Variants in MARK3 observed in about 807,000 individuals in gnomAD.
MARK3 encodes microtubule affinity regulating kinase 3, also known as MAP/microtubule affinity-regulating kinase 3.
MARK3 carries 46 observed loss-of-function variants against 90.1 expected under a neutral mutation model. That is an observed-to-expected ratio of 0.51 (90% CI 0.40 to 0.65). The LOEUF (loss-of-function observed/expected upper bound fraction) is 0.65, where lower values mean the gene tolerates loss of function less well. Among genes scored for constraint, MARK3 ranks in the 30% least tolerant of loss-of-function variants. The pLI is 0.00. For synonymous variants in MARK3, 321 were observed against 332.6 expected (o/e 0.97, Z 0.38); for missense variants, 818 against 947.2 (o/e 0.86, Z 1.79).
At chr14:103,415,349 A>G (rs951511645) in intron 2 of MARK3, among the ~76,000 whole-genome samples, 1 of 152,126 alleles carries the variant, frequency 6.6e-6, no homozygotes, top group Middle Eastern at 3.2e-3. Flanking sequence ...GAGACTTCCC[A>G]CAGGATGACC....
chr14:103,478,294 C>CA (rs745554491), intron 13 of MARK3, among the ~76,000 whole-genome samples: 1,982 of 125,226 alleles, frequency 0.016, 33 homozygotes, highest in East Asian at 0.042. Flanking sequence ...GGCTCCATCT[C>CA]AAAAAAAAAA....
At chr14:103,422,410 G>A (rs1315161557) in intron 2 of MARK3, among the ~76,000 whole-genome samples, 5 of 152,156 alleles carry the variant, frequency 3.3e-5, no homozygotes, top group African/African-American at 4.8e-5. Context: ...AGCCAAGATC[G>A]CGCGACTGCA....
chr14:103,411,750 G>A (rs2091645717), intron 2 of MARK3, among the ~76,000 whole-genome samples: 1 of 151,998 alleles, frequency 6.6e-6, no homozygotes, highest in Admixed American at 6.6e-5. Flanking sequence ...AGCCTCCTGA[G>A]TAAGTGGGAT....
rs1490722957 is a variant in MARK3, at chr14:103,500,157, C to T, written c.1873C>T (p.Leu625Phe). The T allele has an allele frequency of 1.2e-6, 2 of 1,611,606 alleles. No individual in the cohort carries two copies. The change falls in exon 17 of 18, where the codon CTT becomes TTT. Residue 625 changes from leucine to phenylalanine, a missense_variant and splice_region_variant. By Grantham distance (22) the Leu-to-Phe change is conservative (BLOSUM62 0). Around this residue, in one of 3 missense-constraint regions of MARK3, gnomAD observed 560 missense variants for 613.5 expected, o/e 0.91. Coordinates refer to ENST00000429436, the MANE Select transcript of MARK3 (RefSeq NM_001128918.3). ...RNMSFRFIKR[L>F]PTEYERNGRY... Reference sequence around the variant, plus strand: ...TGCTTCTACATTCTGTTCATTGAGGCTTCCAACTGAATATGAGAGGAACGG... The same window carrying T: ...TGCTTCTACATTCTGTTCATTGAGGTTTCCAACTGAATATGAGAGGAACGG...
At chr14:103,447,192 T>C (rs1208502347) in intron 3 of MARK3, among the ~76,000 whole-genome samples, 1 of 152,156 alleles carries the variant, frequency 6.6e-6, no homozygotes, top group Non-Finnish European at 1.5e-5. Flanking sequence ...CCTAGCACTT[T>C]GGAAGGCTGA....
intron 5 of MARK3, among the ~76,000 whole-genome samples, chr14:103,455,498 G>A (rs1484123336): frequency 3.3e-5 from 5 of 152,198 alleles, no homozygotes; most frequent in Admixed American, 2.0e-4. Context: ...AGGCCAAGAC[G>A]GGCAGATCAC....
At chr14:103,404,155 T>G (rs551562654) in intron 1 of MARK3, among the ~76,000 whole-genome samples, 1 of 152,342 alleles carries the variant, frequency 6.6e-6, no homozygotes, top group East Asian at 1.9e-4. Context: ...TCCTTTGATT[T>G]GAGTAAATTA....
chr14:103,389,564 C>T (rs1198788423), intron 1 of MARK3, among the ~76,000 whole-genome samples: 9 of 97,062 alleles, frequency 9.3e-5, no homozygotes, highest in Non-Finnish European at 4.0e-5. Context: ...CAACTTGCAA[C>T]ATTATCTTCA....
At chr14:103,448,563 G>T (rs1363234366) in intron 3 of MARK3, among the ~76,000 whole-genome samples, 1 of 152,136 alleles carries the variant, frequency 6.6e-6, no homozygotes, top group African/African-American at 2.4e-5. Context: ...AGAGTTGGGA[G>T]CCCTGGGTAG....
intron 3 of MARK3, among the ~76,000 whole-genome samples, chr14:103,439,954 T>C (rs2141189219): frequency 6.6e-6 from 1 of 151,998 alleles, no homozygotes; most frequent in South Asian, 2.1e-4. Context: ...CCAGCTAATC[T>C]TTGTGTTTTT....
Position 103,415,679 on chromosome 14 carries a change from C to T in MARK3, c.243+10412C>T, listed in dbSNP as rs146990867. ...CCTCCCAGAGACCTTTCCCCTCACA[C>T]GAACTACAGAACTCACTTGTTTCAG... On this transcript the variant is annotated intron_variant, in intron 2 of 17. Transcript: ENST00000429436. Among the ~76,000 whole-genome samples the T allele has an allele frequency of 2.7e-3, 416 of 152,268 alleles. 2 individuals carry two copies. The highest frequency in any genetic ancestry group is 9.6e-3 in the African/African-American group (398 of 41,558).
intron 13 of MARK3, 28 bp from the exon 14 acceptor site, chr14:103,480,359 T>C (rs765069781): frequency 7.3e-7 from 1 of 1,377,374 alleles, no homozygotes; most frequent in South Asian, 1.2e-5. Flanking sequence ...ACCAAATAAA[T>C]TTAAGACAAA....
chr14:103,446,693 A>G (rs370221913), intron 3 of MARK3, among the ~76,000 whole-genome samples: 54 of 149,146 alleles, frequency 3.6e-4, no homozygotes, highest in African/African-American at 1.3e-3. Context: ...TATGGCATCC[A>G]AAGTGGAGAT....
intron 2 of MARK3, among the ~76,000 whole-genome samples, chr14:103,422,840 C>T (rs1246686590): frequency 1.3e-5 from 2 of 152,138 alleles, no homozygotes; most frequent in Non-Finnish European, 2.9e-5. Context: ...TTGACTTGGC[C>T]TCCATTTGCT....
chr14:103,469,467 C>A (rs1383558613), intron 12 of MARK3, among the ~76,000 whole-genome samples: 1 of 151,568 alleles, frequency 6.6e-6, no homozygotes, highest in Non-Finnish European at 1.5e-5. Context: ...CAGGTGTGAG[C>A]CACCGCGCCT....
chr14:103,408,680 A>G (rs2065019), intron 2 of MARK3, among the ~76,000 whole-genome samples: 150,030 of 152,268 alleles, frequency 0.99, 73,968 homozygotes, highest in East Asian at 1. Flanking sequence ...GTTTGCAGCA[A>G]TGTGCCCTGT....
chr14:103,487,906 G>A (rs1303530368), intron 14 of MARK3, among the ~76,000 whole-genome samples: 1 of 152,040 alleles, frequency 6.6e-6, no homozygotes, highest in African/African-American at 2.4e-5. Flanking sequence ...AAATTAGCCG[G>A]GCGTGGTGGT....
intron 1 of MARK3, among the ~76,000 whole-genome samples, chr14:103,391,804 C>G (rs1304441142): frequency 6.6e-6 from 1 of 151,030 alleles, no homozygotes; most frequent in Non-Finnish European, 1.5e-5. Context: ...GTGATCCGCC[C>G]GCCTTGGCCT....
In MARK3 at chr14:103,468,074, T is replaced by C. The variant is rs2093549495; in HGVS notation, c.1152T>C (p.Leu384=). The change falls in exon 12 of 18, where the codon CTT becomes CTC. Residue 384 remains leucine (L), a synonymous_variant. Transcript: ENST00000429436. ...SDSSSSSNLS[L]AKVRPSSDLN... Reference sequence around the variant, plus strand: ...CCAGTTCTAGCAGCAATCTTTCACTTGCTAAGGTTAGGCCGAGCAGTGATC... The same window carrying C: ...CCAGTTCTAGCAGCAATCTTTCACTCGCTAAGGTTAGGCCGAGCAGTGATC... 6.2e-7 allele frequency: 1 copy of C among 1,613,916 alleles called. No individual in the cohort carries two copies. Among genetic ancestry groups the C allele is most frequent in the Admixed American group, 1.7e-5 (1 of 59,976 alleles).
Sources: allele counts gnomAD v4.1 joint callset (sites outside exome capture counted in the v4.1 genomes callset), GRCh38; gene constraint gnomAD v4.1.1; regional missense constraint gnomAD v4.1.1; transcripts MANE v1.5; gene names NCBI Gene and HGNC (gene_info 2026-07-23, HGNC 2026-07-21).